SLC24A3: variants seen among roughly 807,000 people sequenced by gnomAD.
The protein encoded by SLC24A3 is sodium/potassium/calcium exchanger 3.
A neutral mutation model predicts 75.8 loss-of-function variants in SLC24A3; 28 were observed. The ratio of observed to expected loss-of-function variants is 0.37; its 90% CI spans 0.27 to 0.51. The LOEUF is 0.51. SLC24A3 is among the 20% of genes least tolerant of loss of function. The pLI is 0.94. For missense variants in SLC24A3, 663 were observed against 847.8 expected, an observed-to-expected ratio of 0.78 and a Z score of 2.71; for synonymous variants, 372 against 334.1, an observed-to-expected ratio of 1.11 and a Z score of -1.24.
At chr20:19,388,763 C>G (rs972134532) in intron 2 of SLC24A3, among the ~76,000 whole-genome samples, 1 of 152,134 alleles carries the variant, frequency 6.6e-6, no homozygotes, top group Non-Finnish European at 1.5e-5. Flanking sequence ...TCAGCCTATG[C>G]GTGTTCTTAA....
At chr20:19,315,784 A>C (rs1025283412) in intron 2 of SLC24A3, among the ~76,000 whole-genome samples, 1 of 152,104 alleles carries the variant, frequency 6.6e-6, no homozygotes, top group African/African-American at 2.4e-5. Context: ...TCACTCGTGT[A>C]CATAAACGTA....
intron 7 of SLC24A3, among the ~76,000 whole-genome samples, chr20:19,657,298 G>A (rs1232810783): frequency 3.3e-5 from 5 of 152,130 alleles, no homozygotes; most frequent in Non-Finnish European, 5.9e-5. Flanking sequence ...TCCAACTTTA[G>A]TCTACACTGG....
At chr20:19,343,078 AAAAAAAG>A (rs1353220386) in intron 2 of SLC24A3, among the ~76,000 whole-genome samples, 11 of 148,996 alleles carry the variant, frequency 7.4e-5, no homozygotes, top group South Asian at 4.2e-4. Flanking sequence ...TCAAAAAAAA[AAAAAAAG>A]AAAAAAGAAA....
At chr20:19,565,320 A>G (rs1157708142) in intron 3 of SLC24A3, among the ~76,000 whole-genome samples, 1 of 150,984 alleles carries the variant, frequency 6.6e-6, no homozygotes, top group Non-Finnish European at 1.5e-5. Context: ...CACCCCTACA[A>G]CCTTCAATGA....
intron 3 of SLC24A3, among the ~76,000 whole-genome samples, chr20:19,527,660 C>A (rs762319395): frequency 6.6e-6 from 1 of 152,180 alleles, no homozygotes; most frequent in Non-Finnish European, 1.5e-5. Context: ...ATAGCTTGGG[C>A]ATTGCAAAGA....
chr20:19,297,676 A>G (rs10485588), intron 2 of SLC24A3, among the ~76,000 whole-genome samples: 10,874 of 152,248 alleles, frequency 0.071, 1,239 homozygotes, highest in African/African-American at 0.25. Context: ...CAGACTTTCC[A>G]GGTAAATGTT....
intron 6 of SLC24A3, among the ~76,000 whole-genome samples, chr20:19,595,276 C>T (rs191666911): frequency 6.6e-6 from 1 of 152,346 alleles, no homozygotes; most frequent in East Asian, 1.9e-4. Flanking sequence ...TGCAGCCCGT[C>T]TCTGCCTGTT....
At chr20:19,292,247 A>G (rs1383126935) in intron 2 of SLC24A3, among the ~76,000 whole-genome samples, 1 of 152,130 alleles carries the variant, frequency 6.6e-6, no homozygotes, top group Non-Finnish European at 1.5e-5. Context: ...CCAAGCACCC[A>G]CTTTGCAACA....
intron 2 of SLC24A3, among the ~76,000 whole-genome samples, chr20:19,412,016 G>A (rs1235254615): frequency 3.3e-5 from 5 of 152,122 alleles, no homozygotes; most frequent in African/African-American, 1.2e-4. Flanking sequence ...AGTACACGGG[G>A]TCAGGGTCAC....
chr20:19,495,954 C>A (rs368594624), intron 2 of SLC24A3, among the ~76,000 whole-genome samples: 2 of 152,038 alleles, frequency 1.3e-5, no homozygotes, highest in African/African-American at 4.8e-5. Context: ...TCTGAGTTTC[C>A]GGCAAAAACA....
At chr20:19,702,447 C>T (rs1319368126) in intron 15 of SLC24A3, among the ~76,000 whole-genome samples, 1 of 152,100 alleles carries the variant, frequency 6.6e-6, no homozygotes, top group Non-Finnish European at 1.5e-5. Context: ...TGAAGATCTA[C>T]TTTATCCTTG....
At chr20:19,538,770 A>T (rs1265766089) in intron 3 of SLC24A3, among the ~76,000 whole-genome samples, 2 of 152,206 alleles carry the variant, frequency 1.3e-5, no homozygotes, top group East Asian at 3.8e-4. Context: ...CTACTCCCCG[A>T]ATCAACAGAA....
At chr20:19,250,654 AT>A (rs1488647748) in intron 1 of SLC24A3, among the ~76,000 whole-genome samples, 1 of 152,200 alleles carries the variant, frequency 6.6e-6, no homozygotes, top group African/African-American at 2.4e-5. Flanking sequence ...CTTTTTAAAA[AT>A]TTTTTAATCC....
chr20:19,365,826 G>A (rs1985880297), intron 2 of SLC24A3, among the ~76,000 whole-genome samples: 1 of 152,086 alleles, frequency 6.6e-6, no homozygotes, highest in Non-Finnish European at 1.5e-5. Context: ...TCTGGTTCAG[G>A]ACACTGCCCT....
chr20:19,402,061 C>A (rs1986561239), intron 2 of SLC24A3, among the ~76,000 whole-genome samples: 1 of 152,092 alleles, frequency 6.6e-6, no homozygotes, highest in Non-Finnish European at 1.5e-5. Context: ...AAGGCAGGGG[C>A]TACATGGGGA....
chr20:19,675,677 G>A (rs1380415271), intron 9 of SLC24A3, among the ~76,000 whole-genome samples: 2 of 152,182 alleles, frequency 1.3e-5, no homozygotes, highest in Admixed American at 6.5e-5. Flanking sequence ...GGTAACTAAT[G>A]AAGAAACCAG....
chr20:19,490,258 C>T (rs1261948305), intron 2 of SLC24A3, among the ~76,000 whole-genome samples: 4 of 152,170 alleles, frequency 2.6e-5, no homozygotes. Flanking sequence ...CAGCCCATGG[C>T]CCCTAGGGAA....
chr20:19,640,394 T>A (rs370535473), intron 6 of SLC24A3, among the ~76,000 whole-genome samples: 3 of 152,298 alleles, frequency 2.0e-5, no homozygotes, highest in African/African-American at 7.2e-5. Flanking sequence ...GGCCAGAGAT[T>A]TTTTTACTTT....
chr20:19,624,184 T>A (rs2031839966), intron 6 of SLC24A3, among the ~76,000 whole-genome samples: 1 of 152,194 alleles, frequency 6.6e-6, no homozygotes, highest in African/African-American at 2.4e-5. Context: ...TCTCAGTCCC[T>A]TCTCTCTGAT....
Sources: allele counts gnomAD v4.1 joint callset (sites outside exome capture counted in the v4.1 genomes callset), GRCh38; gene constraint gnomAD v4.1.1; transcripts MANE v1.5; gene names NCBI Gene and HGNC (gene_info 2026-07-23, HGNC 2026-07-21).